The following SREBF1 variants were observed in gnomAD, a reference collection of about 807,000 sequenced individuals.
SREBF1 encodes the protein sterol regulatory element binding transcription factor 1.
SREBF1 carries 45 observed loss-of-function variants against 100.1 expected under a neutral mutation model. That is an observed-to-expected ratio of 0.45 (90% CI 0.35 to 0.58). The LOEUF is 0.58. Among genes scored for constraint, SREBF1 ranks in the 20% least tolerant of loss-of-function variants. SREBF1 has a pLI of 0.00. For synonymous variants in SREBF1, 657 were observed against 681.8 expected, an observed-to-expected ratio of 0.96 and a Z score of 0.57; for missense variants, 1,324 against 1,539.4, an observed-to-expected ratio of 0.86 and a Z score of 2.34.
chr17:17,823,485 A>T, intron 1 of SREBF1: 1 of 1,500,452 alleles, frequency 6.7e-7, no homozygotes, highest in Non-Finnish European at 9.3e-7. Context: ...GAGGCATTGT[A>T]TAAAGGGCTG....
Position 17,813,585 on chromosome 17 carries a change from C to T in SREBF1, c.3086G>A (p.Arg1029Gln), listed in dbSNP as rs756603047. Residue 1029 changes from arginine to glutamine, a missense_variant, in exon 17 of 19, where the codon CGG becomes CAG. Physicochemically the swap from Arg to Gln is conservative, Grantham distance 43. Coordinates refer to ENST00000261646, the MANE Select transcript of SREBF1 (RefSeq NM_004176.5). ...GGCACTCACCCTCCGCATGGCGGGC[C>T]GGAAGCTCTGTGCCAGCCGCCTCAG... ...SSLRRLAQSFRPAMRRVFLHE... is the reference protein window; with the variant it reads ...SSLRRLAQSFQPAMRRVFLHE... 16 of 1,594,922 alleles carry T rather than the reference C, an allele frequency of 1.0e-5. No individual in the cohort carries two copies. In the South Asian group the frequency reaches 1.5e-4, roughly 15 times the overall value.
intron 1 of SREBF1, among the ~76,000 whole-genome samples, chr17:17,833,970 C>CA (rs879345451): frequency 1.3e-3 from 173 of 131,180 alleles, no homozygotes; most frequent in Non-Finnish European, 2.1e-3. Context: ...GACCCTGTCT[C>CA]AAAAAAAAAA....
intron 1 of SREBF1, among the ~76,000 whole-genome samples, chr17:17,831,371 T>A (rs924623458): frequency 3.3e-5 from 5 of 151,932 alleles, no homozygotes; most frequent in African/African-American, 9.7e-5. Flanking sequence ...GGGCTGGGCA[T>A]GCTGGGAGGG....
intron 18 of SREBF1, chr17:17,813,079 C>A: frequency 1.7e-6 from 1 of 603,432 alleles, no homozygotes; most frequent in Non-Finnish European, 2.9e-6. Flanking sequence ...AGTCACCCCA[C>A]TGATTCCTTG....
intron 1 of SREBF1, among the ~76,000 whole-genome samples, chr17:17,829,574 C>T (rs923710608): frequency 1.3e-5 from 2 of 152,106 alleles, no homozygotes; most frequent in East Asian, 1.9e-4. Flanking sequence ...GCACAGAAAC[C>T]GCCATCTGTG....
At position 17,814,633 on chromosome 17, in the gene SREBF1, CG is replaced by C; in HGVS notation, c.2716del (p.Arg906GlyfsTer37). The C allele has an allele frequency of 6.5e-7, 1 of 1,546,064 alleles. No individual in the cohort carries two copies. The highest frequency in any genetic ancestry group is 1.9e-5 in the Admixed American group (1 of 51,856). On this transcript the variant is annotated frameshift_variant, in exon 15 of 19. Transcript: ENST00000261646. LOFTEE classifies it high-confidence loss of function. ...RLCPLVEHLP[R>X]VLQESERPLP... ...CACTCACTCAGACTCCTGCAGCACC[CG>C]GGGCAGGTGCTCCACCAGCGGGCAC...
chr17:17,819,093 C>T lies in SREBF1; in HGVS notation c.988G>A (p.Ala330Thr), dbSNP rs566513103. Residue 330 changes from alanine to threonine, a missense_variant, in exon 5 of 19, where the codon GCC becomes ACC. Ala to Thr is a moderately conservative substitution (Grantham distance 58, BLOSUM62 0). Coordinates refer to ENST00000261646, the MANE Select transcript of SREBF1 (RefSeq NM_004176.5). ...SRGEKRTAHN[A>T]IEKRYRSSIN... Reference sequence around the variant, plus strand: ...GAGGAGCGGTAGCGCTTCTCAATGGCGTTGTGGGCTGTGCGCTTCTCTCCA... The same window carrying T: ...GAGGAGCGGTAGCGCTTCTCAATGGTGTTGTGGGCTGTGCGCTTCTCTCCA... 5.0e-6 allele frequency: 8 copies of T among 1,614,082 alleles called. No individual in the cohort carries two copies. The African/African-American group carries it at 6.7e-5, about 13-fold the overall frequency.
At chr17:17,813,887 T>A in intron 16 of SREBF1, 118 bp from the exon 17 acceptor site, 1 of 1,076,082 alleles carries the variant, frequency 9.3e-7, no homozygotes. Flanking sequence ...TGCACCCGCC[T>A]CACACACGTG....
chr17:17,811,610 C>G lies in SREBF1; in HGVS notation c.*1012G>C. 2.4e-6 allele frequency: 1 copy of G among 420,304 alleles called. No individual in the cohort carries two copies. The highest frequency in any genetic ancestry group is 1.7e-5 in the South Asian group (1 of 60,140). 26.0% of individuals were successfully genotyped at this position (420,304 alleles called of 1,614,324 possible). A position where few individuals can be genotyped will look rare whatever the true frequency, so the allele number is the denominator to read the frequency against. ...GGAAACCTCCCCCGCCCCTGTGCCC[C>G]CTCTCCAGTGTGGCGGCAGGTCGGG... is the stretch of plus-strand genomic sequence containing the variant. On this transcript the variant is annotated 3_prime_UTR_variant, in exon 19 of 19. Coordinates refer to ENST00000261646, the MANE Select transcript of SREBF1 (RefSeq NM_004176.5).
intron 1 of SREBF1, among the ~76,000 whole-genome samples, chr17:17,830,291 G>A (rs761674647): frequency 1.3e-5 from 2 of 152,140 alleles, no homozygotes; most frequent in Non-Finnish European, 2.9e-5. Context: ...AGCCTCTAAA[G>A]TCAATAAGAT....
chr17:17,819,267 ATGTG>A (rs72248634), intron 4 of SREBF1, 33 bp from the exon 5 acceptor site: 2 of 1,603,544 alleles, frequency 1.2e-6, no homozygotes. Flanking sequence ...CCAGGTGGGC[ATGTG>A]TGTGTGTGTG....
chr17:17,827,540 G>A (rs913494433), intron 1 of SREBF1, among the ~76,000 whole-genome samples: 4 of 152,166 alleles, frequency 2.6e-5, no homozygotes, highest in African/African-American at 7.2e-5. Flanking sequence ...TCAGCTGGTC[G>A]TGTATCCAGC....
intron 1 of SREBF1, among the ~76,000 whole-genome samples, chr17:17,832,937 A>AC (rs199598282): frequency 0.011 from 1,640 of 150,160 alleles, 25 homozygotes; most frequent in African/African-American, 0.031. Context: ...AAACAAACAA[A>AC]AAAAAAAAAA....
chr17:17,815,197 G>A, intron 13 of SREBF1, 24 bp downstream of exon 13: 1 of 1,600,778 alleles, frequency 6.2e-7, no homozygotes, highest in Non-Finnish European at 8.6e-7. Context: ...GGCCTTGCCT[G>A]GAGGAGGGCA....
In SREBF1 at chr17:17,818,275, C is replaced by T; in HGVS notation, c.1168G>A (p.Ala390Thr). ...CAGGACTCACTGCTTTTGTGGACAG[C>T]AGTGCGCAGACTTAGGTTCTCCTGC... Reference protein sequence around the residue: ...LKQENLSLRTAVHKSKSLKDL... With the variant: ...LKQENLSLRTTVHKSKSLKDL... The change falls in exon 6 of 19, where the codon GCT becomes ACT. Residue 390 changes from alanine to threonine, a missense_variant. Physicochemically the swap from Ala to Thr is moderately conservative, Grantham distance 58 (BLOSUM62 0). Coordinates refer to ENST00000261646, the MANE Select transcript of SREBF1 (RefSeq NM_004176.5). 3 of 1,613,888 alleles carry T rather than the reference C, an allele frequency of 1.9e-6. No homozygotes were observed. The highest frequency in any genetic ancestry group is 1.1e-5 in the South Asian group (1 of 91,072).
chr17:17,820,961 T>A, intron 1 of SREBF1: 1 of 247,596 alleles, frequency 4.0e-6, no homozygotes. Flanking sequence ...GAGCATGTGC[T>A]GAGTGCTGAG....
Position 17,817,224 on chromosome 17 carries a change from C to A in SREBF1, c.1606+32G>T. On this transcript the variant is annotated intron_variant, in intron 8 of 18. Transcript: ENST00000261646. This position sits in a 1 kb window ranked among gnomAD's most constrained non-coding sequence, Gnocchi z 6.6. ...GCCTGGGGGCTCACCCCGAGTGTCC[C>A]TCCCAAAGATGCCCAGGCTGGCCGG... 6.2e-7 allele frequency: 1 copy of A among 1,608,784 alleles called. No homozygotes were observed. Among genetic ancestry groups the A allele is most frequent in the Non-Finnish European group, 8.5e-7 (1 of 1,178,044 alleles).
chr17:17,836,641 G>T (rs537152415), intron 1 of SREBF1, 86 bp downstream of exon 1: 2 of 1,355,654 alleles, frequency 1.5e-6, no homozygotes, highest in South Asian at 2.5e-5. Flanking sequence ...TGGCGCCCGT[G>T]GGGGAGACAA....
At chr17:17,819,794 C>A in intron 2 of SREBF1, 69 bp from the exon 3 acceptor site, 1 of 1,498,440 alleles carries the variant, frequency 6.7e-7, no homozygotes, top group South Asian at 1.3e-5. Flanking sequence ...CTCTTCAGGT[C>A]TCTATCACCG....
Sources: allele counts gnomAD v4.1 joint callset (sites outside exome capture counted in the v4.1 genomes callset), GRCh38; gene constraint gnomAD v4.1.1; non-coding constraint Gnocchi (gnomAD v3.1); transcripts MANE v1.5; gene names NCBI Gene and HGNC (gene_info 2026-07-23, HGNC 2026-07-21).